Variants in AHCYL1 observed in about 807,000 individuals in gnomAD.
The protein encoded by AHCYL1 is adenosylhomocysteinase like 1, also known as S-adenosylhomocysteine hydrolase-like protein 1.
Under a neutral mutation model 79.3 loss-of-function variants are expected in AHCYL1, and 20 were observed. That is an observed-to-expected ratio of 0.25 (90% CI 0.18 to 0.37). The LOEUF is 0.37. Among genes scored for constraint, AHCYL1 ranks in the 10% least tolerant of loss-of-function variants. AHCYL1 has a pLI of 1.00. For missense variants in AHCYL1, 330 were observed against 673.6 expected (o/e 0.49, Z 5.65); for synonymous variants, 223 against 242.2 (o/e 0.92, Z 0.74).
chr1:110,002,761 A>C (rs1264757897), intron 1 of AHCYL1, among the ~76,000 whole-genome samples: 1 of 152,254 alleles, frequency 6.6e-6, no homozygotes, highest in Non-Finnish European at 1.5e-5. Context: ...ACTCAATCTT[A>C]GCATTGCTAA....
intron 1 of AHCYL1, among the ~76,000 whole-genome samples, chr1:109,992,532 G>C (rs544257530): frequency 6.6e-6 from 1 of 152,094 alleles, no homozygotes; most frequent in South Asian, 2.1e-4. Flanking sequence ...ATGACTGTTA[G>C]CTTTATTTTG....
chr1:110,001,465 C>T (rs1034801758), intron 1 of AHCYL1, among the ~76,000 whole-genome samples: 79 of 152,306 alleles, frequency 5.2e-4, no homozygotes, highest in African/African-American at 1.8e-3. Flanking sequence ...GGATTACAGG[C>T]GTGAGCCACC....
chr1:110,014,765 G>A lies in AHCYL1; in HGVS notation c.583G>A (p.Val195Ile). 3 of 1,613,680 alleles carry A rather than the reference G, an allele frequency of 1.9e-6. No individual in the cohort carries two copies. Among genetic ancestry groups the A allele is most frequent in the Middle Eastern group, 1.7e-4 (1 of 6,058 alleles). ...CTGATTCATTTCTGTCTCTACAGGA[G>A]TTGCAGTGTTCGCTTGGAAGGGCGA... is the stretch of plus-strand genomic sequence containing the variant. ...EVAAALAEAG[V>I]AVFAWKGESE... Residue 195 changes from valine to isoleucine, a missense_variant and splice_region_variant, in exon 6 of 17, where the codon GTT (valine) becomes ATT (isoleucine). By Grantham distance (29) the Val-to-Ile change is conservative. Coordinates refer to ENST00000369799, the MANE Select transcript of AHCYL1 (RefSeq NM_006621.7).
At chr1:110,020,955 G>A in intron 16 of AHCYL1, 104 bp downstream of exon 16, 1 of 1,484,412 alleles carries the variant, frequency 6.7e-7, no homozygotes, top group Admixed American at 2.3e-5. Flanking sequence ...TGATTTTGAA[G>A]AATACAAGAA....
chr1:110,021,147 AC>A (rs1009345086), intron 16 of AHCYL1, among the ~76,000 whole-genome samples: 32 of 152,310 alleles, frequency 2.1e-4, no homozygotes, highest in African/African-American at 6.7e-4. Flanking sequence ...TGGCTGAGGC[AC>A]GAGAATCACT....
rs574006299 is a variant in AHCYL1 at position 110,000,331 on chromosome 1, A to G, written c.121-8703A>G. On this transcript the variant is annotated intron_variant, in intron 1 of 16. Coordinates refer to ENST00000369799, the MANE Select transcript of AHCYL1 (RefSeq NM_006621.7). Reference sequence around the variant, plus strand: ...GTAGTCTAGATTAGATTGCCCATACATTCTCCTCCTTACTCCATCCCCAGA... The same window carrying G: ...GTAGTCTAGATTAGATTGCCCATACGTTCTCCTCCTTACTCCATCCCCAGA... 2.0e-5 allele frequency among the ~76,000 whole-genome samples: 3 copies of G among 152,302 alleles called. No homozygotes were observed. The East Asian group carries it at 5.8e-4, about 29-fold the overall frequency.
At position 110,022,703 on chromosome 1, in the gene AHCYL1, A is replaced by G. The variant is rs1003742602; in HGVS notation, c.*1023A>G. The G allele has an allele frequency of 1.0e-4, 16 of 152,658 alleles. No homozygotes were observed. Among genetic ancestry groups the G allele is most frequent in the African/African-American group, 3.9e-4 (16 of 41,452 alleles). 9.5% of individuals were successfully genotyped at this position (152,658 alleles called of 1,614,324 possible). Reference sequence around the variant, plus strand: ...TATCTTTAAGAGCAAATTTCTGGTCAGCTGTGCTTCTGCAACCTAAAATAT... The same window carrying G: ...TATCTTTAAGAGCAAATTTCTGGTCGGCTGTGCTTCTGCAACCTAAAATAT... On this transcript the variant is annotated 3_prime_UTR_variant, in exon 17 of 17. Coordinates refer to ENST00000369799, the MANE Select transcript of AHCYL1 (RefSeq NM_006621.7).
intron 1 of AHCYL1, among the ~76,000 whole-genome samples, chr1:110,000,442 C>G (rs1650246599): frequency 1.3e-5 from 2 of 152,206 alleles, no homozygotes; most frequent in Admixed American, 6.5e-5. Context: ...TCACCCTTTC[C>G]AGATCTATGG....
chr1:110,018,848 ACC>A, intron 13 of AHCYL1, 198 bp downstream of exon 13: 1 of 721,470 alleles, frequency 1.4e-6, no homozygotes, highest in Non-Finnish European at 2.3e-6. Context: ...CTATTTCCTA[ACC>A]ACAGCTGATT....
intron 1 of AHCYL1, 66 bp downstream of exon 1, chr1:109,985,238 C>T: frequency 6.4e-7 from 1 of 1,552,232 alleles, no homozygotes; most frequent in Non-Finnish European, 8.7e-7. Context: ...GCGAGCAAGC[C>T]CGGGCTCTGG....
At chr1:109,998,293 C>T (rs138583204) in intron 1 of AHCYL1, among the ~76,000 whole-genome samples, 29 of 152,060 alleles carry the variant, frequency 1.9e-4, no homozygotes, top group East Asian at 1.5e-3. Context: ...ACTAAGTTTT[C>T]GGAAAAATTA....
intron 1 of AHCYL1, among the ~76,000 whole-genome samples, chr1:109,994,659 C>G (rs1649936055): frequency 6.6e-6 from 1 of 152,144 alleles, no homozygotes; most frequent in Admixed American, 6.5e-5. Flanking sequence ...GCTTTGGTAA[C>G]TAATTCAGTT....
At chr1:109,994,153 G>A (rs1008612056) in intron 1 of AHCYL1, among the ~76,000 whole-genome samples, 11 of 152,218 alleles carry the variant, frequency 7.2e-5, no homozygotes, top group African/African-American at 2.2e-4. Flanking sequence ...CTAGCCAGAA[G>A]CTCAGGCTCT....
chr1:110,000,922 G>A (rs2101708137), intron 1 of AHCYL1: 1 of 981,952 alleles, frequency 1.0e-6, no homozygotes, highest in East Asian at 1.1e-4. Context: ...TAAGCCACAG[G>A]TGTTGAGGCA....
chr1:110,004,082 G>A (rs1006951285), intron 1 of AHCYL1: 48 of 985,314 alleles, frequency 4.9e-5, no homozygotes, highest in Admixed American at 2.5e-4. Context: ...TCTTCTCGCC[G>A]CGAGCATTGA....
At chr1:110,018,292 TCTC>T in intron 11 of AHCYL1, 78 bp from the exon 12 acceptor site, 1 of 1,323,900 alleles carries the variant, frequency 7.6e-7, no homozygotes, top group East Asian at 2.4e-5. Flanking sequence ...AAGCCTCTGG[TCTC>T]CTATGTTCTA....
At position 109,999,719 on chromosome 1, in the gene AHCYL1, A is replaced by T. The variant is rs531121677; in HGVS notation, c.121-9315A>T. On this transcript the variant is annotated intron_variant, in intron 1 of 16. Transcript: ENST00000369799. ...CAATGGTAAAATTTTTTTTTTTTTT[A>T]ACCTGAGGTCTTCAAATTTAATACA... Among the ~76,000 whole-genome samples the T allele has an allele frequency of 7.4e-3, 1,080 of 145,598 alleles. 9 individuals are homozygous for T. The highest frequency in any genetic ancestry group is 0.017 in the African/African-American group (656 of 38,276).
chr1:110,015,018 G>A (rs1651315479), intron 6 of AHCYL1, among the ~76,000 whole-genome samples, 161 bp downstream of exon 6: 1 of 152,160 alleles, frequency 6.6e-6, no homozygotes, highest in South Asian at 2.1e-4. Context: ...TCTGAGTACT[G>A]AATGGAAAGG....
chr1:109,992,302 C>T (rs370648914), intron 1 of AHCYL1, among the ~76,000 whole-genome samples: 1 of 150,168 alleles, frequency 6.7e-6, no homozygotes, highest in Non-Finnish European at 1.5e-5. Context: ...CCCAGCTACC[C>T]GGGAGGCTGA....
Sources: gnomAD v4.1 joint callset for allele counts (sites outside exome capture counted in the v4.1 genomes callset) on GRCh38, gnomAD v4.1.1 for gene constraint, MANE v1.5 for transcripts, NCBI Gene and HGNC (gene_info 2026-07-23, HGNC 2026-07-21) for gene names.